Variants in DIAPH3 observed in about 807,000 individuals in gnomAD.
The protein encoded by DIAPH3 is protein diaphanous homolog 3.
In DIAPH3, 117 loss-of-function variants were observed where a neutral mutation model predicts 144.3. That is an observed-to-expected ratio of 0.81 (90% CI 0.70 to 0.95). The LOEUF is 0.95. DIAPH3 is among the 40% of genes least tolerant of loss of function. DIAPH3 has a pLI of 0.00. For synonymous variants in DIAPH3, 519 were observed against 488.9 expected, an observed-to-expected ratio of 1.06 and a Z score of -0.81; for missense variants, 1,421 against 1,412.7, an observed-to-expected ratio of 1.01 and a Z score of -0.09.
intron 25 of DIAPH3, among the ~76,000 whole-genome samples, chr13:59,802,672 T>TTTTA (rs2039991316): frequency 1.8e-5 from 1 of 54,356 alleles, no homozygotes; most frequent in Non-Finnish European, 3.9e-5. Context: ...TTATTATTTT[T>TTTTA]TTTTTTTTTT....
At chr13:60,031,518 A>G (rs1388427963) in intron 5 of DIAPH3, among the ~76,000 whole-genome samples, 1 of 151,996 alleles carries the variant, frequency 6.6e-6, no homozygotes, top group East Asian at 1.9e-4. Flanking sequence ...TCCAGCATTA[A>G]CTCTAAAGTC....
intron 25 of DIAPH3, among the ~76,000 whole-genome samples, chr13:59,785,376 C>T (rs2139362237): frequency 6.6e-6 from 1 of 152,148 alleles, no homozygotes; most frequent in East Asian, 1.9e-4. Context: ...AAATAGAGCA[C>T]CCAAGAGCAA....
At chr13:60,137,742 CTTTT>C (rs35703399) in intron 1 of DIAPH3, among the ~76,000 whole-genome samples, 2 of 125,732 alleles carry the variant, frequency 1.6e-5, no homozygotes, top group East Asian at 2.3e-4. Context: ...TTAAAATTGA[CTTTT>C]TTTTTTTTTT....
chr13:59,802,807 G>A (rs1044728751), intron 25 of DIAPH3, among the ~76,000 whole-genome samples: 9 of 145,288 alleles, frequency 6.2e-5, no homozygotes, highest in Non-Finnish European at 1.1e-4. Flanking sequence ...TCAGCCTCCC[G>A]AGTAGCTGGG....
intron 4 of DIAPH3, among the ~76,000 whole-genome samples, chr13:60,059,194 G>A (rs2056674393): frequency 6.6e-6 from 1 of 151,544 alleles, no homozygotes; most frequent in Admixed American, 6.6e-5. Flanking sequence ...AAACTAATTT[G>A]TAGTGTTAGA....
At chr13:59,867,561 T>G (rs1207422610) in intron 21 of DIAPH3, among the ~76,000 whole-genome samples, 1 of 152,122 alleles carries the variant, frequency 6.6e-6, no homozygotes, top group Non-Finnish European at 1.5e-5. Context: ...TTAAATAATG[T>G]GGACTTCCGT....
At chr13:59,982,931 A>G (rs1229032099) in intron 13 of DIAPH3, among the ~76,000 whole-genome samples, 4 of 151,524 alleles carry the variant, frequency 2.6e-5, no homozygotes, top group Non-Finnish European at 5.9e-5. Context: ...AGTATTGAGA[A>G]CCTGTCAGCC....
At chr13:59,922,955 T>C (rs1657980282) in intron 18 of DIAPH3, among the ~76,000 whole-genome samples, 1 of 152,134 alleles carries the variant, frequency 6.6e-6, no homozygotes, top group African/African-American at 2.4e-5. Flanking sequence ...ACTTAACTGC[T>C]ACACCCACCA....
At chr13:59,733,096 G>A (rs777887795) in intron 27 of DIAPH3, among the ~76,000 whole-genome samples, 1 of 151,918 alleles carries the variant, frequency 6.6e-6, no homozygotes, top group African/African-American at 2.4e-5. Context: ...CAATCTTTAG[G>A]TTCCTTCATT....
chr13:59,889,091 T>C (rs1435694612), intron 20 of DIAPH3, among the ~76,000 whole-genome samples: 1 of 152,076 alleles, frequency 6.6e-6, no homozygotes, highest in East Asian at 1.9e-4. Context: ...TGATATCTTT[T>C]TCTCTTTATA....
intron 22 of DIAPH3, among the ~76,000 whole-genome samples, chr13:59,852,414 T>A (rs952782829): frequency 6.6e-6 from 1 of 152,230 alleles, no homozygotes; most frequent in Non-Finnish European, 1.5e-5. Context: ...AATTCATGCA[T>A]CACCTCCAGA....
At chr13:59,861,106 T>C (rs923481819) in intron 22 of DIAPH3, 2 of 790,382 alleles carry the variant, frequency 2.5e-6, no homozygotes, top group Admixed American at 3.2e-5. Context: ...AGCATCACCC[T>C]GGCCAAAAAG....
chr13:59,938,933 A>AT (rs1189085440), intron 17 of DIAPH3, among the ~76,000 whole-genome samples: 34 of 152,206 alleles, frequency 2.2e-4, no homozygotes, highest in Non-Finnish European at 5.0e-4. Context: ...ACAGTTAAAC[A>AT]TGGTTAAAAC....
intron 4 of DIAPH3, among the ~76,000 whole-genome samples, chr13:60,071,954 A>G (rs556234778): frequency 2.3e-4 from 35 of 152,104 alleles, no homozygotes; most frequent in African/African-American, 6.3e-4. Context: ...ACCTCCCCCA[A>G]TTCTGCTTCC....
At chr13:59,900,251 T>G (rs1194481302) in intron 20 of DIAPH3, among the ~76,000 whole-genome samples, 1 of 152,336 alleles carries the variant, frequency 6.6e-6, no homozygotes, top group East Asian at 1.9e-4. Context: ...TCTTAGTTCA[T>G]AATACAGGAA....
intron 17 of DIAPH3, among the ~76,000 whole-genome samples, chr13:59,927,064 C>T (rs1329293010): frequency 6.6e-6 from 1 of 152,190 alleles, no homozygotes; most frequent in East Asian, 1.9e-4. Flanking sequence ...GTCCCTTTAT[C>T]ATTATATAAT....
At chr13:59,839,287 A>G in intron 23 of DIAPH3, 37 bp downstream of exon 23, 1 of 1,609,938 alleles carries the variant, frequency 6.2e-7, no homozygotes, top group Non-Finnish European at 8.5e-7. Flanking sequence ...TCTCTAGTTG[A>G]CTAGTGACTT....
intron 12 of DIAPH3, among the ~76,000 whole-genome samples, chr13:59,985,135 G>A (rs1021493048): frequency 2.1e-5 from 3 of 140,998 alleles, no homozygotes; most frequent in African/African-American, 8.0e-5. Context: ...TGATCAAGTG[G>A]GCTTCATCCC....
At chr13:60,068,892 G>T (rs1348878394) in intron 4 of DIAPH3, among the ~76,000 whole-genome samples, 1 of 152,030 alleles carries the variant, frequency 6.6e-6, no homozygotes, top group Non-Finnish European at 1.5e-5. Context: ...GTTCACTGTG[G>T]ATGGGTATTT....
Sources: gnomAD v4.1 joint callset for allele counts (sites outside exome capture counted in the v4.1 genomes callset) on GRCh38, gnomAD v4.1.1 for gene constraint, MANE v1.5 for transcripts, NCBI Gene and HGNC (gene_info 2026-07-23, HGNC 2026-07-21) for gene names.